Variants in STT3B observed in about 807,000 individuals in gnomAD.
STT3B encodes the protein STT3 oligosaccharyltransferase complex catalytic subunit B, also known as dolichyl-diphosphooligosaccharide--protein glycosyltransferase subunit STT3B.
STT3B carries 29 observed loss-of-function variants against 96.8 expected under a neutral mutation model. That is an observed-to-expected ratio of 0.30 (90% confidence interval 0.22 to 0.41). The LOEUF (loss-of-function observed/expected upper bound fraction) is 0.41, where lower values mean the gene tolerates loss of function less well. Among genes scored for constraint, STT3B ranks in the 10% least tolerant of loss-of-function variants. STT3B has a pLI of 1.00. For synonymous variants in STT3B, 367 were observed against 360.0 expected (o/e 1.02, Z -0.22); for missense variants, 640 against 1,022.3 (o/e 0.63, Z 5.10).
Position 31,636,121 on chromosome 3 carries a change from C to A in STT3B, c.*57C>A. ...TTGTCCTTGTGAGAACCGGTCTTTG[C>A]CTTTAGCTCATGTCGTGTTTCACAG... On this transcript the variant is annotated 3_prime_UTR_variant, in exon 16 of 16. Coordinates refer to ENST00000295770, the MANE Select transcript of STT3B (RefSeq NM_178862.3). The A allele has an allele frequency of 1.5e-6, 2 of 1,333,884 alleles. No homozygotes were observed. Among genetic ancestry groups the A allele is most frequent in the Non-Finnish European group, 2.1e-6 (2 of 964,832 alleles). 82.6% of individuals were successfully genotyped at this position (1,333,884 alleles called of 1,614,324 possible).
Position 31,635,972 on chromosome 3 carries a change from G to GT in STT3B, c.2401-5dup, listed in dbSNP as rs779195844. 1.6e-5 allele frequency: 25 copies of GT among 1,592,964 alleles called. No homozygotes were observed. The Admixed American group carries it at 4.1e-4, about 26-fold the overall frequency. On this transcript the variant is annotated splice_polypyrimidine_tract_variant and intron_variant, in intron 15 of 15. Transcript: ENST00000295770. ...AACCTGCATTAATACTATGTGTTTT[G>GT]TTTTTTTATAGACTACCAAAAGGAA...
At chr3:31,550,725 A>G (rs1697530706) in intron 1 of STT3B, among the ~76,000 whole-genome samples, 6 of 152,200 alleles carry the variant, frequency 3.9e-5, no homozygotes, top group Admixed American at 2.6e-4. Context: ...TAATGTGATT[A>G]TCTAGACAGT....
At chr3:31,559,461 G>A (rs1697813235) in intron 1 of STT3B, among the ~76,000 whole-genome samples, 1 of 151,554 alleles carries the variant, frequency 6.6e-6, no homozygotes, top group South Asian at 2.1e-4. Flanking sequence ...CCTTCACCCA[G>A]TGGCCATTTG....
intron 5 of STT3B, among the ~76,000 whole-genome samples, chr3:31,612,080 A>G (rs767855325): frequency 1.5e-4 from 23 of 152,184 alleles, no homozygotes; most frequent in Admixed American, 1.3e-3. Flanking sequence ...CTGAGCACCA[A>G]TATGATTCTC....
At chr3:31,576,668 A>G (rs1265673497) in intron 2 of STT3B, among the ~76,000 whole-genome samples, 164 bp downstream of exon 2, 1 of 151,838 alleles carries the variant, frequency 6.6e-6, no homozygotes. Flanking sequence ...TTTTCTTGAT[A>G]CCTCCTCCCC....
intron 1 of STT3B, among the ~76,000 whole-genome samples, chr3:31,556,098 C>A (rs1697703787): frequency 6.6e-6 from 1 of 152,082 alleles, no homozygotes; most frequent in Non-Finnish European, 1.5e-5. Context: ...CTGTCTACCT[C>A]ACTGAGATCA....
At chr3:31,602,119 T>A (rs1261859526) in intron 5 of STT3B, among the ~76,000 whole-genome samples, 1 of 152,062 alleles carries the variant, frequency 6.6e-6, no homozygotes, top group Non-Finnish European at 1.5e-5. Flanking sequence ...AGGAGACCTG[T>A]CTCTGATTGC....
chr3:31,605,947 G>C (rs577452091), intron 5 of STT3B, among the ~76,000 whole-genome samples: 1 of 152,322 alleles, frequency 6.6e-6, no homozygotes, highest in South Asian at 2.1e-4. Context: ...GGCTGAGATG[G>C]TCTCAGATGG....
At chr3:31,590,539 G>GT (rs1326220310) in intron 3 of STT3B, among the ~76,000 whole-genome samples, 1 of 151,796 alleles carries the variant, frequency 6.6e-6, no homozygotes, top group African/African-American at 2.4e-5. Flanking sequence ...TGACTCATGG[G>GT]TTTTTTCTAA....
chr3:31,542,352 G>T (rs936174368), intron 1 of STT3B, among the ~76,000 whole-genome samples: 2 of 152,154 alleles, frequency 1.3e-5, no homozygotes, highest in Non-Finnish European at 2.9e-5. Flanking sequence ...CCCTGGGCAT[G>T]GACTGTTTGC....
intron 5 of STT3B, among the ~76,000 whole-genome samples, chr3:31,614,626 GTAT>G (rs992220670): frequency 6.6e-6 from 1 of 151,846 alleles, no homozygotes; most frequent in African/African-American, 2.4e-5. Context: ...CTATACAAAG[GTAT>G]TATGGGATAA....
At chr3:31,633,745 T>G (rs1246149456) in intron 15 of STT3B, among the ~76,000 whole-genome samples, 2 of 152,172 alleles carry the variant, frequency 1.3e-5, no homozygotes, top group African/African-American at 2.4e-5. Flanking sequence ...CCAAATAGAT[T>G]ATAATTTTTG....
In STT3B at chr3:31,612,964, T is replaced by C. The variant is rs116747726; in HGVS notation, c.878-2141T>C. 4.7e-3 allele frequency among the ~76,000 whole-genome samples: 711 copies of C among 152,280 alleles called. 10 individuals are homozygous for C. The highest frequency in any genetic ancestry group is 0.017 in the African/African-American group (693 of 41,570). On this transcript the variant is annotated intron_variant, in intron 5 of 15. Coordinates refer to ENST00000295770, the MANE Select transcript of STT3B (RefSeq NM_178862.3). ...GTGGAAACTTTTTCACTTTTTACTT[T>C]AAGACAAAAACAACATCTATTACCT...
Position 31,533,079 on chromosome 3 carries a change from A to G in STT3B, c.81A>G (p.Gly27=), listed in dbSNP as rs752599525. The G allele has an allele frequency of 1.9e-6, 3 of 1,546,796 alleles. No individual in the cohort carries two copies. The highest frequency in any genetic ancestry group is 1.4e-5 in the African/African-American group (1 of 70,000). ...SSPWSGLMAL[G]NSRHGHHGPG... is the part of the protein sequence containing the mutation. Reference sequence around the variant, plus strand: ...CGTGGAGTGGCCTCATGGCCCTGGGAAACAGCCGGCACGGCCACCACGGGC... The same window carrying G: ...CGTGGAGTGGCCTCATGGCCCTGGGGAACAGCCGGCACGGCCACCACGGGC... The change falls in exon 1 of 16, where the codon GGA becomes GGG. Residue 27 remains glycine, a synonymous_variant. Transcript: ENST00000295770.
intron 1 of STT3B, among the ~76,000 whole-genome samples, chr3:31,569,911 T>A (rs1024891989): frequency 7.9e-5 from 12 of 152,086 alleles, no homozygotes; most frequent in African/African-American, 2.6e-4. Flanking sequence ...ATAAATTTTA[T>A]AAGTACATAT....
At chr3:31,566,858 T>C (rs2125447061) in intron 1 of STT3B, among the ~76,000 whole-genome samples, 1 of 152,310 alleles carries the variant, frequency 6.6e-6, no homozygotes, top group Non-Finnish European at 1.5e-5. Flanking sequence ...TTTGCCTGTC[T>C]TTCCAGTGCT....
In STT3B at chr3:31,637,198, C is replaced by T. The variant is rs1372427834; in HGVS notation, c.*1134C>T. On this transcript the variant is annotated 3_prime_UTR_variant, in exon 16 of 16. Transcript: ENST00000295770. ...CAGCTTATAGGCAACTTTATACAGA[C>T]TTGAACATTTTCTCCAGTTGTTTAG... The T allele has an allele frequency of 6.6e-6, 1 of 152,144 alleles. No homozygotes were observed. Among genetic ancestry groups the T allele is most frequent in the Admixed American group, 6.5e-5 (1 of 15,278 alleles). The allele number at this position is 152,144 out of a possible 1,614,324, so 9.4% of individuals were successfully genotyped here.
chr3:31,596,992 C>A (rs1698807543), intron 4 of STT3B, 129 bp downstream of exon 4: 2 of 685,290 alleles, frequency 2.9e-6, no homozygotes, highest in Admixed American at 2.8e-5. Context: ...CATCCTCTTT[C>A]CTTCTCCTAC....
At chr3:31,595,155 G>A (rs75130068) in intron 3 of STT3B, among the ~76,000 whole-genome samples, 2 of 152,098 alleles carry the variant, frequency 1.3e-5, no homozygotes, top group Admixed American at 6.6e-5. Flanking sequence ...CTTCCTCCAG[G>A]TATGGGGCAG....
Sources: allele counts gnomAD v4.1 joint callset (sites outside exome capture counted in the v4.1 genomes callset), GRCh38; gene constraint gnomAD v4.1.1; transcripts MANE v1.5; gene names NCBI Gene and HGNC (gene_info 2026-07-23, HGNC 2026-07-21).